Variants in TTC7A observed in about 807,000 individuals in gnomAD.
The protein encoded by TTC7A is tetratricopeptide repeat domain 7A.
Under a neutral mutation model 103.7 loss-of-function variants are expected in TTC7A, and 110 were observed. That is an observed-to-expected ratio of 1.06 (90% CI 0.91 to 1.24). The LOEUF is 1.24. TTC7A is among the 50% of genes most tolerant of loss of function. TTC7A has a pLI of 0.00. For missense variants in TTC7A, 1,340 were observed against 1,116.3 expected, an observed-to-expected ratio of 1.20 and a Z score of -2.86; for synonymous variants, 521 against 467.9, an observed-to-expected ratio of 1.11 and a Z score of -1.47.
intron 15 of TTC7A, among the ~76,000 whole-genome samples, chr2:47,039,551 CTA>C (rs988397914): frequency 6.6e-6 from 1 of 152,164 alleles, no homozygotes; most frequent in African/African-American, 2.4e-5. Context: ...TACAAGATAA[CTA>C]TTTTTTTTTA....
chr2:46,973,960 T>C (rs6731862), intron 3 of TTC7A, among the ~76,000 whole-genome samples: 72,896 of 151,988 alleles, frequency 0.48, 18,822 homozygotes, highest in East Asian at 0.66. Flanking sequence ...TTAACATTCC[T>C]ATCCTGGAGT....
At chr2:47,017,257 A>G (rs928528041) in intron 11 of TTC7A, among the ~76,000 whole-genome samples, 10 of 149,034 alleles carry the variant, frequency 6.7e-5, no homozygotes, top group African/African-American at 2.5e-4. Flanking sequence ...GGTCATGCCT[A>G]TCATCTCAAC....
At chr2:47,072,643 C>A (rs1373821890) in intron 19 of TTC7A, among the ~76,000 whole-genome samples, 2 of 152,220 alleles carry the variant, frequency 1.3e-5, no homozygotes, top group African/African-American at 4.8e-5. Flanking sequence ...AGCTCCCCAC[C>A]CCCACTGCGG....
intron 15 of TTC7A, among the ~76,000 whole-genome samples, chr2:47,035,893 C>T (rs1463528006): frequency 6.6e-6 from 1 of 152,166 alleles, no homozygotes; most frequent in Non-Finnish European, 1.5e-5. Context: ...ATCTTCAGGT[C>T]CCTGGGGGTC....
intron 16 of TTC7A, 102 bp from the exon 17 acceptor site, chr2:47,049,847 C>G: frequency 3.5e-6 from 3 of 855,226 alleles, no homozygotes; most frequent in Non-Finnish European, 5.7e-6. Context: ...GAGGCTGTCC[C>G]ATTCTCCCTG....
chr2:46,967,373 G>A (rs927534988), intron 3 of TTC7A, among the ~76,000 whole-genome samples: 1 of 152,048 alleles, frequency 6.6e-6, no homozygotes, highest in African/African-American at 2.4e-5. Context: ...TTTACCTTGC[G>A]AAACCAAAAT....
At position 47,015,686 on chromosome 2, in the gene TTC7A, C is replaced by G. The variant is rs558052045; in HGVS notation, c.1392+4251C>G. On this transcript the variant is annotated intron_variant, in intron 11 of 19. Transcript: ENST00000319190. ...CACACTGCGGGTACCTGCATGGTTGCTATCACCGTTACAGCCCCTTGAAAA... is the reference window on the plus strand; with the variant it reads ...CACACTGCGGGTACCTGCATGGTTGGTATCACCGTTACAGCCCCTTGAAAA... Among the ~76,000 whole-genome samples the G allele has an allele frequency of 1.7e-4, 26 of 152,356 alleles. 1 individual carries two copies. Among genetic ancestry groups the G allele is most frequent in the Middle Eastern group, 3.4e-3 (1 of 294 alleles).
chr2:47,012,140 C>T (rs952151033), intron 11 of TTC7A, among the ~76,000 whole-genome samples: 1 of 152,228 alleles, frequency 6.6e-6, no homozygotes, highest in Non-Finnish European at 1.5e-5. Flanking sequence ...TGCCCTGGGC[C>T]TACTCGGATG....
intron 18 of TTC7A, among the ~76,000 whole-genome samples, chr2:47,055,578 C>A (rs940369721): frequency 6.6e-6 from 1 of 152,176 alleles, no homozygotes; most frequent in East Asian, 1.9e-4. Context: ...TCCCCCATGA[C>A]CCCCATGATC....
chr2:46,940,927 G>A (rs896058757), upstream of TTC7A, among the ~76,000 whole-genome samples: 1 of 152,116 alleles, frequency 6.6e-6, no homozygotes, highest in African/African-American at 2.4e-5. This position sits in a 1 kb window ranked among gnomAD's most constrained non-coding sequence, Gnocchi z 4.7. Context: ...CCAGGTCGTC[G>A]GGCAGTGGTC....
At chr2:47,028,805 T>C (rs1680193002) in intron 14 of TTC7A, among the ~76,000 whole-genome samples, 2 of 152,218 alleles carry the variant, frequency 1.3e-5, no homozygotes. Context: ...CACTTGCCTC[T>C]GCACACTTCC....
chr2:47,033,690 G>T (rs55813407), intron 15 of TTC7A, among the ~76,000 whole-genome samples: 5 of 152,132 alleles, frequency 3.3e-5, no homozygotes, highest in Admixed American at 6.5e-5. Flanking sequence ...CCCTGGCTTG[G>T]GAGGTTTATT....
Position 47,073,950 on chromosome 2 carries a change from G to A in TTC7A, c.*27G>A, listed in dbSNP as rs769141108. 13 of 1,590,798 alleles carry A rather than the reference G, an allele frequency of 8.2e-6. No individual in the cohort carries two copies. In the African/African-American group the frequency reaches 1.5e-4, roughly 18 times the overall value. ...GACGCTGCAGCCGCAGGGAGGGAGG[G>A]GCTGGCCAGAGGGAGAGGCAGCAGG... On this transcript the variant is annotated 3_prime_UTR_variant, in exon 20 of 20. Transcript: ENST00000319190.
chr2:47,016,025 G>A (rs539618434), intron 11 of TTC7A, among the ~76,000 whole-genome samples: 1 of 152,330 alleles, frequency 6.6e-6, no homozygotes, highest in South Asian at 2.1e-4. Context: ...AGAAAGAGAG[G>A]AACGAGGGTG....
intron 17 of TTC7A, chr2:47,050,901 C>CAAA (rs1558629683): frequency 6.6e-6 from 1 of 152,150 alleles, no homozygotes; most frequent in Non-Finnish European, 1.5e-5. Flanking sequence ...CGTGGTTTGC[C>CAAA]GTGAGGTCTC....
At chr2:46,967,178 A>G (rs1672934955) in intron 3 of TTC7A, among the ~76,000 whole-genome samples, 1 of 151,972 alleles carries the variant, frequency 6.6e-6, no homozygotes, top group South Asian at 2.1e-4. Context: ...GTGCCACTGC[A>G]CTCCAGCCTG....
chr2:47,073,453 C>T (rs1001791195), intron 19 of TTC7A, among the ~76,000 whole-genome samples: 5 of 152,204 alleles, frequency 3.3e-5, no homozygotes, highest in Non-Finnish European at 5.9e-5. Flanking sequence ...GCCAGTTCCT[C>T]GGGACCGGCA....
At chr2:47,030,694 A>G (rs1159298291) in intron 15 of TTC7A, among the ~76,000 whole-genome samples, 5 of 152,032 alleles carry the variant, frequency 3.3e-5, no homozygotes, top group African/African-American at 7.2e-5. Flanking sequence ...CCTAGTCCAC[A>G]CTAACCCCTG....
intron 2 of TTC7A, 131 bp downstream of exon 2, chr2:46,950,657 G>T (rs564729025): frequency 1.1e-6 from 1 of 946,866 alleles, no homozygotes; most frequent in East Asian, 2.6e-5. Context: ...TGCACTTACA[G>T]TAGCCACTGG....
Sources: gnomAD v4.1 joint callset for allele counts (sites outside exome capture counted in the v4.1 genomes callset) on GRCh38, gnomAD v4.1.1 for gene constraint, Gnocchi (gnomAD v3.1) non-coding constraint, MANE v1.5 for transcripts, NCBI Gene and HGNC (gene_info 2026-07-23, HGNC 2026-07-21) for gene names.